ZDHHC15: variants seen among roughly 807,000 people sequenced by gnomAD.
The protein encoded by ZDHHC15 is zDHHC palmitoyltransferase 15.
In ZDHHC15, 19 loss-of-function variants were observed where a neutral mutation model predicts 31.7. The observed-to-expected ratio is 0.60, with a 90% CI of 0.42 to 0.88. ZDHHC15 has a LOEUF of 0.88. ZDHHC15 is among the 40% of genes least tolerant of loss of function. The pLI, the probability that ZDHHC15 is intolerant of heterozygous loss-of-function variation, is 0.00. For synonymous variants in ZDHHC15, 103 were observed against 90.0 expected, an observed-to-expected ratio of 1.14 and a Z score of -0.82; for missense variants, 209 against 251.2, an observed-to-expected ratio of 0.83 and a Z score of 1.14.
intron 1 of ZDHHC15, among the ~76,000 whole-genome samples, chrX:75,508,482 C>G (rs778112019): frequency 9.2e-6 from 1 of 108,777 alleles, no homozygotes; most frequent in Non-Finnish European, 1.9e-5. Context: ...TGAACTCATC[C>G]TTTTTTATGG....
chrX:75,414,773 G>GTT (rs11454426), intron 10 of ZDHHC15, among the ~76,000 whole-genome samples: 43 of 93,592 alleles, frequency 4.6e-4, no homozygotes, highest in Admixed American at 6.0e-4. Context: ...GTACAAGTAC[G>GTT]TTTTTTTTTT....
At chrX:75,388,800 G>A (rs756212217) in intron 10 of ZDHHC15, among the ~76,000 whole-genome samples, 1 of 111,969 alleles carries the variant, frequency 8.9e-6, no homozygotes, top group Admixed American at 9.5e-5. Flanking sequence ...GGTGGAGCAA[G>A]ATGGCTGAAT....
chrX:75,452,660 A>G (rs1209417505), intron 3 of ZDHHC15, among the ~76,000 whole-genome samples: 1 of 111,924 alleles, frequency 8.9e-6, no homozygotes, highest in Non-Finnish European at 1.9e-5. Context: ...CTCAAATGTA[A>G]AAGAACAGAA....
chrX:75,380,898 T>A (rs1404519202), intron 10 of ZDHHC15, among the ~76,000 whole-genome samples: 1 of 111,424 alleles, frequency 9.0e-6, no homozygotes, highest in Non-Finnish European at 1.9e-5. Context: ...TTCTCCTAGA[T>A]CTCCTTTACT....
chrX:75,513,777 T>C (rs1265297816), intron 1 of ZDHHC15, among the ~76,000 whole-genome samples: 1 of 110,182 alleles, frequency 9.1e-6, no homozygotes, highest in African/African-American at 3.3e-5. Context: ...GAACTCCAAA[T>C]AGAATAAACT....
chrX:75,377,856 T>C (rs1320537019), intron 11 of ZDHHC15, among the ~76,000 whole-genome samples: 1 of 111,776 alleles, frequency 8.9e-6, no homozygotes, highest in Non-Finnish European at 1.9e-5. Context: ...TTTGCTTATA[T>C]AGGGTTTTAT....
intron 10 of ZDHHC15, among the ~76,000 whole-genome samples, chrX:75,414,001 A>G (rs778983569): frequency 8.8e-4 from 99 of 112,010 alleles, no homozygotes; most frequent in Non-Finnish European, 1.6e-3. Flanking sequence ...CAATTTGAAT[A>G]GAGCAGAAAG....
At chrX:75,386,785 T>A (rs2083184716) in intron 10 of ZDHHC15, among the ~76,000 whole-genome samples, 1 of 112,205 alleles carries the variant, frequency 8.9e-6, no homozygotes, top group Non-Finnish European at 1.9e-5. Context: ...CCAGCTGGAT[T>A]CTTTTTAAAT....
intron 6 of ZDHHC15, 61 bp from the exon 7 acceptor site, chrX:75,429,259 A>G: frequency 7.9e-6 from 9 of 1,132,362 alleles, no homozygotes; most frequent in South Asian, 4.2e-5. Flanking sequence ...ACACTGATAC[A>G]TAAGTGAACT....
intron 4 of ZDHHC15, among the ~76,000 whole-genome samples, chrX:75,447,839 C>T: frequency 8.9e-6 from 1 of 112,098 alleles, no homozygotes; most frequent in African/African-American, 3.2e-5. Context: ...TTAAGACTGC[C>T]ACCCAGCCAC....
At chrX:75,502,983 A>C (rs2085109521) in intron 2 of ZDHHC15, among the ~76,000 whole-genome samples, 1 of 110,786 alleles carries the variant, frequency 9.0e-6, no homozygotes, top group African/African-American at 3.3e-5. Flanking sequence ...AAATAACTAA[A>C]TGGTATAACT....
At chrX:75,456,242 C>T in intron 3 of ZDHHC15, among the ~76,000 whole-genome samples, 1 of 109,723 alleles carries the variant, frequency 9.1e-6, no homozygotes, top group Non-Finnish European at 1.9e-5. Flanking sequence ...TCTGAGCAAA[C>T]TATCACAAGG....
At chrX:75,432,914 T>C (rs1383458131) in intron 4 of ZDHHC15, among the ~76,000 whole-genome samples, 1 of 110,765 alleles carries the variant, frequency 9.0e-6, no homozygotes, top group Admixed American at 9.7e-5. Context: ...AGCCCAGGAG[T>C]TCGAGGCTGC....
intron 11 of ZDHHC15, among the ~76,000 whole-genome samples, chrX:75,378,151 A>G (rs963781116): frequency 4.1e-4 from 46 of 111,726 alleles, no homozygotes; most frequent in African/African-American, 1.4e-3. Flanking sequence ...CATGGTGGAA[A>G]TAGCATGCTT....
intron 11 of ZDHHC15, among the ~76,000 whole-genome samples, chrX:75,373,568 C>T (rs1301491581): frequency 2.7e-5 from 3 of 111,161 alleles, no homozygotes; most frequent in East Asian, 5.6e-4. Flanking sequence ...GGATTCTATC[C>T]TATGGAAATG....
At chrX:75,495,061 T>C (rs1174927372) in intron 2 of ZDHHC15, among the ~76,000 whole-genome samples, 1 of 111,448 alleles carries the variant, frequency 9.0e-6, no homozygotes, top group Non-Finnish European at 1.9e-5. Flanking sequence ...ATCCAGAATC[T>C]ACAATGAACT....
At chrX:75,427,271 A>T (rs1232803130) in intron 7 of ZDHHC15, among the ~76,000 whole-genome samples, 3 of 86,562 alleles carry the variant, frequency 3.5e-5, no homozygotes, top group African/African-American at 7.4e-5. Context: ...TCTGTGAGGC[A>T]TGAGCTAGCC....
At chrX:75,457,268 A>T (rs2084238272) in intron 3 of ZDHHC15, among the ~76,000 whole-genome samples, 1 of 110,514 alleles carries the variant, frequency 9.0e-6, no homozygotes, top group East Asian at 2.9e-4. Flanking sequence ...TCATGAGTTT[A>T]TTGGCCATTT....
At chrX:75,451,744 G>A (rs1275054070) in intron 3 of ZDHHC15, among the ~76,000 whole-genome samples, 4 of 111,616 alleles carry the variant, frequency 3.6e-5, no homozygotes, top group South Asian at 7.5e-4. Context: ...TAATATTGGT[G>A]CAGAAGTGCC....
Sources: allele counts gnomAD v4.1 joint callset (sites outside exome capture counted in the v4.1 genomes callset), GRCh38; gene constraint gnomAD v4.1.1; transcripts MANE v1.5; gene names NCBI Gene and HGNC (gene_info 2026-07-23, HGNC 2026-07-21).